The following RELN variants were observed in gnomAD, a reference collection of about 807,000 sequenced individuals.
RELN encodes the protein reelin.
A neutral mutation model predicts 427.6 loss-of-function variants in RELN; 108 were observed. The ratio of observed to expected loss-of-function variants is 0.25; its 90% confidence interval spans 0.22 to 0.30. The LOEUF is 0.30. RELN is among the 10% of genes least tolerant of loss of function. The pLI, the probability that RELN is intolerant of heterozygous loss-of-function variation, is 1.00. For synonymous variants in RELN, 1,524 were observed against 1,513.4 expected, an observed-to-expected ratio of 1.01 and a Z score of -0.16; for missense variants, 3,715 against 4,302.8, an observed-to-expected ratio of 0.86 and a Z score of 3.82.
In RELN at chr7:103,620,338, C is replaced by T. The variant is rs998122273; in HGVS notation, c.2703-8535G>A. Reference sequence around the variant, plus strand: ...GTCTCAGGTATGTCTTCATCAGCAGCGTGAGAATGGACTAACACAACTTCA... The same window carrying T: ...GTCTCAGGTATGTCTTCATCAGCAGTGTGAGAATGGACTAACACAACTTCA... On this transcript the variant is annotated intron_variant, in intron 20 of 64. Coordinates refer to ENST00000428762, the MANE Select transcript of RELN (RefSeq NM_005045.4). The surrounding 1 kb of genome is among the most constrained non-coding windows in gnomAD (Gnocchi z 4.1). 9.9e-5 allele frequency among the ~76,000 whole-genome samples: 15 copies of T among 152,096 alleles called. No homozygotes were observed. The highest frequency in any genetic ancestry group is 2.2e-4 in the African/African-American group (9 of 41,426).
Position 103,522,025 on chromosome 7 carries a change from A to G in RELN, c.7665T>C (p.Ser2555=), listed in dbSNP as rs1316797926. ...TAACCAGCAGCCAAACACTCACCCC[A>G]CTGAAATGGAGAGCCATTCCCGACG... The part of the protein sequence containing the change: ...AVASGMALHF[S]GGCSRLLVTV... Residue 2555 remains serine (S), a synonymous_variant, in exon 48 of 65, where the codon AGT becomes AGC. Coordinates refer to ENST00000428762, the MANE Select transcript of RELN (RefSeq NM_005045.4). 1.9e-6 allele frequency: 3 copies of G among 1,614,030 alleles called. No homozygotes were observed. The highest frequency in any genetic ancestry group is 2.5e-6 in the Non-Finnish European group (3 of 1,179,970).
intron 20 of RELN, among the ~76,000 whole-genome samples, chr7:103,613,186 A>T (rs1055229073): frequency 5.3e-5 from 8 of 152,184 alleles, no homozygotes; most frequent in African/African-American, 1.9e-4. Flanking sequence ...AGTAAATGGG[A>T]TACTCAATGG....
intron 20 of RELN, among the ~76,000 whole-genome samples, chr7:103,625,924 A>T (rs1362708972): frequency 6.6e-6 from 1 of 152,086 alleles, no homozygotes; most frequent in Non-Finnish European, 1.5e-5. Context: ...CTAATAGTTC[A>T]TTATTAGGGG....
intron 2 of RELN, among the ~76,000 whole-genome samples, chr7:103,870,323 C>T (rs1258383070): frequency 6.6e-6 from 1 of 151,848 alleles, no homozygotes; most frequent in Non-Finnish European, 1.5e-5. Flanking sequence ...ATTAATGATA[C>T]AATGTAGAGA....
intron 41 of RELN, 141 bp downstream of exon 41, chr7:103,550,926 A>G: frequency 6.7e-6 from 5 of 750,188 alleles, no homozygotes; most frequent in Admixed American, 6.0e-5. Flanking sequence ...CCTACATTTT[A>G]AATATCCACT....
chr7:103,549,555 G>A (rs764590254), intron 41 of RELN, among the ~76,000 whole-genome samples: 1 of 152,148 alleles, frequency 6.6e-6, no homozygotes, highest in African/African-American at 2.4e-5. Flanking sequence ...ATGGTTTTTC[G>A]ACAGCTATGC....
chr7:103,656,974 G>A (rs1046987041), intron 12 of RELN, among the ~76,000 whole-genome samples: 13 of 152,036 alleles, frequency 8.6e-5, no homozygotes, highest in African/African-American at 2.9e-4. Flanking sequence ...TGTCTTTAAT[G>A]TTATTCTGTT....
chr7:103,513,083 G>A (rs1272270871), intron 50 of RELN: 1 of 152,196 alleles, frequency 6.6e-6, no homozygotes, highest in African/African-American at 2.4e-5. Context: ...GGACTCAAGA[G>A]TCAAAGTGCA....
chr7:103,694,507 G>A (rs949228733), intron 10 of RELN, among the ~76,000 whole-genome samples: 10 of 148,738 alleles, frequency 6.7e-5, no homozygotes, highest in African/African-American at 1.8e-4. Context: ...TGATGATGGC[G>A]ACGACGATGA....
intron 11 of RELN, among the ~76,000 whole-genome samples, chr7:103,677,757 A>G (rs1216193076): frequency 8.6e-6 from 1 of 115,860 alleles, no homozygotes; most frequent in Non-Finnish European, 1.7e-5. Context: ...CAGAGTGAGA[A>G]TCTGTCTCAA....
chr7:103,487,326 G>A (rs928774670), intron 60 of RELN, among the ~76,000 whole-genome samples: 1 of 150,860 alleles, frequency 6.6e-6, no homozygotes, highest in Non-Finnish European at 1.5e-5. Flanking sequence ...GATGGGTGCA[G>A]CAAACCACCC....
At chr7:103,858,277 C>T (rs1340767970) in intron 2 of RELN, among the ~76,000 whole-genome samples, 2 of 152,200 alleles carry the variant, frequency 1.3e-5, no homozygotes, top group East Asian at 3.9e-4. Context: ...ATAACAATAC[C>T]TGGTTTTTAG....
intron 3 of RELN, among the ~76,000 whole-genome samples, chr7:103,788,034 C>A (rs1004100356): frequency 3.3e-5 from 5 of 152,000 alleles, no homozygotes; most frequent in Non-Finnish European, 5.9e-5. Context: ...TTCAACATAT[C>A]CAAATCAATA....
intron 18 of RELN, among the ~76,000 whole-genome samples, 186 bp from the exon 19 acceptor site, chr7:103,635,772 T>C (rs1310440788): frequency 6.6e-6 from 1 of 152,226 alleles, no homozygotes; most frequent in Non-Finnish European, 1.5e-5. Context: ...ACATATTTTA[T>C]GTACAGATAG....
chr7:103,495,094 TATATAAGATAGA>T (rs1307543900), intron 57 of RELN, among the ~76,000 whole-genome samples: 1 of 151,908 alleles, frequency 6.6e-6, no homozygotes, highest in African/African-American at 2.4e-5. Context: ...CCAGATTACA[TATATAAGATAGA>T]ATATATTCAG....
At chr7:103,807,085 C>T (rs900978620) in intron 3 of RELN, among the ~76,000 whole-genome samples, 6 of 152,116 alleles carry the variant, frequency 3.9e-5, no homozygotes, top group Admixed American at 2.6e-4. Flanking sequence ...GAGGAGGTAC[C>T]GGAGCTGAGC....
chr7:103,677,305 A>C (rs1467150108), intron 11 of RELN, among the ~76,000 whole-genome samples: 2 of 151,268 alleles, frequency 1.3e-5, no homozygotes, highest in African/African-American at 2.4e-5. Context: ...AGAAATACCT[A>C]ATGTAGGTGA....
rs1244874645 is a variant in RELN at position 103,872,511 on chromosome 7, C to A, written c.338-38839G>T. Among the ~76,000 whole-genome samples the A allele has an allele frequency of 1.5e-5, 2 of 132,876 alleles. 1 individual carries two copies. The highest frequency in any genetic ancestry group is 5.3e-5 in the African/African-American group (2 of 37,750). 87.2% of individuals were successfully genotyped at this position (132,876 alleles called of 152,430 possible). A position where few individuals can be genotyped will look rare whatever the true frequency, so the allele number is the denominator to read the frequency against. ...CAAGTCTTTGCTATTGTGAATAATG[C>A]CACAATAAACATACGTGTGCATGTG... On this transcript the variant is annotated intron_variant, in intron 2 of 64. Transcript: ENST00000428762.
At chr7:103,865,381 C>T (rs1794174590) in intron 2 of RELN, among the ~76,000 whole-genome samples, 2 of 148,478 alleles carry the variant, frequency 1.3e-5, no homozygotes, top group Admixed American at 1.4e-4. Context: ...TGAAGGGATA[C>T]TTCCAAACTC....
Sources: allele counts gnomAD v4.1 joint callset (sites outside exome capture counted in the v4.1 genomes callset), GRCh38; gene constraint gnomAD v4.1.1; non-coding constraint Gnocchi (gnomAD v3.1); transcripts MANE v1.5; gene names NCBI Gene and HGNC (gene_info 2026-07-23, HGNC 2026-07-21).